The following WDFY4 variants were observed in gnomAD, a reference collection of about 807,000 sequenced individuals.
WDFY4 encodes WDFY family member 4.
A neutral mutation model predicts 351.9 loss-of-function variants in WDFY4; 169 were observed. The observed-to-expected ratio is 0.48, with a 90% confidence interval of 0.42 to 0.55. The LOEUF (loss-of-function observed/expected upper bound fraction) is 0.55. Ranked by LOEUF, WDFY4 falls within the 20% of genes least tolerant of loss-of-function variation. The pLI, the probability that WDFY4 is intolerant of heterozygous loss-of-function variation, is 0.00. For missense variants in WDFY4, 3,803 were observed against 3,935.6 expected, an observed-to-expected ratio of 0.97 and a Z score of 0.90; for synonymous variants, 1,622 against 1,574.6, an observed-to-expected ratio of 1.03 and a Z score of -0.71.
At chr10:48,928,353 C>CGTGTGTGT (rs3081490) in intron 47 of WDFY4, among the ~76,000 whole-genome samples, 13,909 of 124,832 alleles carry the variant, frequency 0.11, 974 homozygotes, top group East Asian at 0.21. Context: ...TTGGTTTTGA[C>CGTGTGTGT]GTGTGTGTGT....
chr10:48,699,997 G>A (rs895458489), intron 1 of WDFY4, among the ~76,000 whole-genome samples: 1 of 152,192 alleles, frequency 6.6e-6, no homozygotes, highest in Non-Finnish European at 1.5e-5. Context: ...TGTAAACTCT[G>A]GGGCTGGGGT....
At chr10:48,786,979 A>G in intron 20 of WDFY4, 109 bp downstream of exon 20, 1 of 878,944 alleles carries the variant, frequency 1.1e-6, no homozygotes, top group South Asian at 1.7e-5. Flanking sequence ...AAAGTCAGTC[A>G]TTAGGGAAGA....
chr10:48,953,357 A>ACACACACC lies in WDFY4; in HGVS notation c.7978-3768_7978-3767insCACCCACA, dbSNP rs1841432250. Among the ~76,000 whole-genome samples the ACACACACC allele has an allele frequency of 5.3e-5, 8 of 151,782 alleles. 1 individual carries two copies. The South Asian group carries it at 1.7e-3, about 32-fold the overall frequency. ...CTCACACACACACACACACACACAC[A>ACACACACC]CACAATTGCTTTCACACCAACAGCT... On this transcript the variant is annotated intron_variant, in intron 51 of 61. Transcript: ENST00000325239.
At chr10:48,957,990 C>T (rs1841682856) in intron 52 of WDFY4, among the ~76,000 whole-genome samples, 1 of 152,204 alleles carries the variant, frequency 6.6e-6, no homozygotes, top group African/African-American at 2.4e-5. Context: ...GGCTGGGAAT[C>T]ATCTTCTGCA....
At chr10:48,873,351 C>T (rs2133284347) in intron 40 of WDFY4, 140 bp from the exon 41 acceptor site, 2 of 944,824 alleles carry the variant, frequency 2.1e-6, no homozygotes, top group East Asian at 2.7e-5. Flanking sequence ...GTACCCTACA[C>T]ATTCTGAGGG....
At chr10:48,913,661 C>G (rs752215340) in intron 47 of WDFY4, 4 of 1,613,734 alleles carry the variant, frequency 2.5e-6, no homozygotes, top group Non-Finnish European at 3.4e-6. Flanking sequence ...GCTTGGGGAG[C>G]TTGGAGATGC....
intron 39 of WDFY4, among the ~76,000 whole-genome samples, chr10:48,837,945 A>G (rs189786897): frequency 5.3e-4 from 80 of 152,348 alleles, no homozygotes; most frequent in Admixed American, 1.6e-3. Flanking sequence ...GGGGACTTAT[A>G]GAAGAACAGG....
intron 57 of WDFY4, 50 bp downstream of exon 57, chr10:48,970,339 A>G: frequency 6.5e-7 from 1 of 1,532,730 alleles, no homozygotes; most frequent in Non-Finnish European, 8.8e-7. Flanking sequence ...ACAGTACTTC[A>G]TGTAGGGACA....
chr10:48,754,623 A>C lies in WDFY4; in HGVS notation c.2460-5724A>C, dbSNP rs183929967. 4.6e-5 allele frequency among the ~76,000 whole-genome samples: 7 copies of C among 151,682 alleles called. No individual in the cohort carries two copies. The East Asian group carries it at 1.3e-3, about 29-fold the overall frequency. On this transcript the variant is annotated intron_variant, in intron 12 of 61. Coordinates refer to ENST00000325239, the MANE Select transcript of WDFY4 (RefSeq NM_001394531.1). ...TTATACACAATAATTATTAATTTTA[A>C]TTTACTTATTTATTGTGTTTATCTT...
At chr10:48,943,309 C>T in intron 48 of WDFY4, 21 bp from the exon 49 acceptor site, 2 of 1,551,086 alleles carry the variant, frequency 1.3e-6, no homozygotes, top group East Asian at 2.4e-5. Context: ...TGGTTTATCC[C>T]CTTTCTGTCT....
At chr10:48,808,435 G>A (rs1052487004) in intron 28 of WDFY4, among the ~76,000 whole-genome samples, 14 of 152,204 alleles carry the variant, frequency 9.2e-5, no homozygotes, top group Admixed American at 3.3e-4. Flanking sequence ...CTAAAATCAA[G>A]TGTAATCATA....
intron 2 of WDFY4, among the ~76,000 whole-genome samples, chr10:48,718,051 C>T (rs912267357): frequency 2.6e-5 from 4 of 152,174 alleles, no homozygotes; most frequent in African/African-American, 2.4e-5. Context: ...CATTCTCCTA[C>T]GTTTGGTATT....
At chr10:48,865,659 G>A (rs1388869408) in intron 39 of WDFY4, among the ~76,000 whole-genome samples, 3 of 152,194 alleles carry the variant, frequency 2.0e-5, no homozygotes, top group African/African-American at 4.8e-5. Context: ...ACTAAGTGGT[G>A]GTTAGGATTC....
intron 49 of WDFY4, 57 bp downstream of exon 49, chr10:48,943,506 G>A (rs1456116596): frequency 1.3e-6 from 2 of 1,527,386 alleles, no homozygotes; most frequent in Non-Finnish European, 8.8e-7. Flanking sequence ...GTTGATAACA[G>A]AGACCCTAAG....
At chr10:48,773,583 A>G (rs1425009981) in intron 13 of WDFY4, among the ~76,000 whole-genome samples, 1 of 152,266 alleles carries the variant, frequency 6.6e-6, no homozygotes, top group Non-Finnish European at 1.5e-5. Context: ...TTCAAAGGAC[A>G]TAAGCAGAGG....
At chr10:48,862,453 A>C (rs1489058768) in intron 39 of WDFY4, among the ~76,000 whole-genome samples, 5 of 152,160 alleles carry the variant, frequency 3.3e-5, no homozygotes, top group Non-Finnish European at 7.4e-5. Context: ...CCTATTGTGA[A>C]CTGCACATGC....
chr10:48,727,185 C>T (rs1046255600), intron 6 of WDFY4, among the ~76,000 whole-genome samples: 3 of 152,234 alleles, frequency 2.0e-5, no homozygotes, highest in Non-Finnish European at 2.9e-5. Flanking sequence ...TTACATCTCA[C>T]TACCTAATGG....
chr10:48,851,488 C>T (rs935466181), intron 39 of WDFY4, among the ~76,000 whole-genome samples: 3 of 152,144 alleles, frequency 2.0e-5, no homozygotes, highest in East Asian at 1.9e-4. Context: ...GGTGAGGACT[C>T]GGCGTCCCTC....
rs531411895 is a variant in WDFY4 at position 48,930,487 on chromosome 10, C to T, written c.7587-11319C>T. Among the ~76,000 whole-genome samples, 8 of 152,248 alleles carry T rather than the reference C, an allele frequency of 5.3e-5. No individual in the cohort carries two copies. In the South Asian group the frequency reaches 1.7e-3, roughly 32 times the overall value. On this transcript the variant is annotated intron_variant, in intron 47 of 61. Transcript: ENST00000325239. ...TCAGTAGCATCGCACTTGAGGCCACCTTAACTGGGTTAGGCCAAGGGGAGA... is the reference window on the plus strand; with the variant it reads ...TCAGTAGCATCGCACTTGAGGCCACTTTAACTGGGTTAGGCCAAGGGGAGA...
Sources: allele counts gnomAD v4.1 joint callset (sites outside exome capture counted in the v4.1 genomes callset), GRCh38; gene constraint gnomAD v4.1.1; transcripts MANE v1.5; gene names NCBI Gene and HGNC (gene_info 2026-07-23, HGNC 2026-07-21).